ITPR1: variants seen among roughly 807,000 people sequenced by gnomAD.
ITPR1 encodes the protein inositol 1,4,5-trisphosphate-gated calcium channel ITPR1.
Under a neutral mutation model 318.4 loss-of-function variants are expected in ITPR1, and 96 were observed. The observed-to-expected ratio is 0.30, with a 90% confidence interval of 0.26 to 0.36. The LOEUF (loss-of-function observed/expected upper bound fraction) is 0.36, where lower values mean the gene tolerates loss of function less well. Ranked by LOEUF, ITPR1 falls within the 10% of genes least tolerant of loss-of-function variation. ITPR1 has a pLI of 1.00. For missense variants in ITPR1, 2,440 were observed against 3,460.2 expected, an observed-to-expected ratio of 0.71 and a Z score of 7.40; for synonymous variants, 1,312 against 1,289.9, an observed-to-expected ratio of 1.02 and a Z score of -0.37.
At chr3:4,662,922 T>C (rs566868942) in intron 15 of ITPR1, 143 bp from the exon 16 acceptor site, 3 of 620,582 alleles carry the variant, frequency 4.8e-6, no homozygotes, top group Non-Finnish European at 8.6e-6. Flanking sequence ...ATACTTGGCT[T>C]CTGTTGTCAG....
intron 54 of ITPR1, among the ~76,000 whole-genome samples, chr3:4,802,954 G>T (rs141008519): frequency 6.6e-6 from 1 of 152,130 alleles, no homozygotes; most frequent in Non-Finnish European, 1.5e-5. Context: ...CTATTAGTTC[G>T]TTCTCACATT....
chr3:4,552,417 C>T (rs1016527109), intron 4 of ITPR1, among the ~76,000 whole-genome samples: 2 of 152,144 alleles, frequency 1.3e-5, no homozygotes, highest in African/African-American at 4.8e-5. Flanking sequence ...GCTAGAGTGG[C>T]TCACACAACT....
At chr3:4,737,777 C>T (rs1350235058) in intron 44 of ITPR1, among the ~76,000 whole-genome samples, 1 of 152,144 alleles carries the variant, frequency 6.6e-6, no homozygotes, top group Non-Finnish European at 1.5e-5. Flanking sequence ...GAGTTCATAT[C>T]TTGGGAGAGG....
chr3:4,500,132 A>G (rs1002528796), intron 2 of ITPR1, among the ~76,000 whole-genome samples: 1 of 152,114 alleles, frequency 6.6e-6, no homozygotes, highest in Non-Finnish European at 1.5e-5. Flanking sequence ...CATCTTCTCT[A>G]TTTCTTATCC....
intron 5 of ITPR1, 37 bp downstream of exon 5, chr3:4,627,915 T>C: frequency 1.6e-6 from 2 of 1,279,138 alleles, no homozygotes; most frequent in Non-Finnish European, 1.1e-6. Context: ...GGGGCAGTAG[T>C]GAGTGGCTGC....
chr3:4,659,529 T>C (rs1460355927), intron 13 of ITPR1, among the ~76,000 whole-genome samples: 2 of 151,730 alleles, frequency 1.3e-5, no homozygotes, highest in Non-Finnish European at 2.9e-5. Context: ...ACAAAAAAAA[T>C]GCAAAAATTT....
chr3:4,500,536 A>C (rs1361796441), intron 2 of ITPR1, among the ~76,000 whole-genome samples: 1 of 152,192 alleles, frequency 6.6e-6, no homozygotes, highest in Non-Finnish European at 1.5e-5. Flanking sequence ...CCTAGGGCCA[A>C]GTAGGTACTC....
intron 19 of ITPR1, 59 bp downstream of exon 19, chr3:4,669,832 A>G (rs945304841): frequency 1.8e-5 from 27 of 1,484,428 alleles, no homozygotes; most frequent in Non-Finnish European, 2.2e-5. Context: ...GTTGGTGCTC[A>G]TGAGGAATAA....
chr3:4,656,096 G>A (rs1432999034), intron 12 of ITPR1, among the ~76,000 whole-genome samples: 1 of 152,202 alleles, frequency 6.6e-6, no homozygotes, highest in East Asian at 1.9e-4. Flanking sequence ...GTGCCAGAGG[G>A]AGAAAAAGGA....
At chr3:4,801,313 C>T (rs926723102) in intron 54 of ITPR1, among the ~76,000 whole-genome samples, 35 of 152,248 alleles carry the variant, frequency 2.3e-4, no homozygotes, top group African/African-American at 8.2e-4. Flanking sequence ...CCATGCAAAA[C>T]TGGAAGTGAT....
intron 46 of ITPR1, among the ~76,000 whole-genome samples, chr3:4,770,054 G>T (rs771402197): frequency 1.3e-5 from 2 of 152,126 alleles, no homozygotes; most frequent in Non-Finnish European, 2.9e-5. Context: ...TCTCCTTTGT[G>T]GTGGAATGTT....
intron 45 of ITPR1, 33 bp from the exon 46 acceptor site, chr3:4,768,478 T>C (rs751323745): frequency 1.3e-6 from 2 of 1,576,420 alleles, no homozygotes; most frequent in African/African-American, 2.7e-5. Context: ...ATGAGGACTC[T>C]GCAGCCTTTC....
intron 55 of ITPR1, among the ~76,000 whole-genome samples, chr3:4,806,761 A>G (rs1159390766): frequency 6.6e-6 from 1 of 152,116 alleles, no homozygotes; most frequent in Non-Finnish European, 1.5e-5. Context: ...AGACCCTTTC[A>G]GTAGCTCATT....
intron 54 of ITPR1, 60 bp from the exon 55 acceptor site, chr3:4,806,043 G>C: frequency 7.2e-7 from 1 of 1,387,512 alleles, no homozygotes; most frequent in Non-Finnish European, 9.9e-7. Flanking sequence ...TGCTCTCGTT[G>C]CTCTCATGAA....
intron 46 of ITPR1, among the ~76,000 whole-genome samples, chr3:4,773,104 C>T (rs570814388): frequency 3.3e-5 from 5 of 152,364 alleles, no homozygotes; most frequent in South Asian, 2.1e-4. Flanking sequence ...TCCCTCTGTA[C>T]GCACATCACA....
intron 13 of ITPR1, among the ~76,000 whole-genome samples, chr3:4,659,274 T>G (rs1191634982): frequency 6.6e-6 from 1 of 152,344 alleles, no homozygotes; most frequent in Middle Eastern, 3.4e-3. Flanking sequence ...CAGAGATGAC[T>G]GTGTCATTTA....
At chr3:4,793,222 T>A (rs1350860653) in intron 52 of ITPR1, among the ~76,000 whole-genome samples, 2 of 152,354 alleles carry the variant, frequency 1.3e-5, no homozygotes, top group Non-Finnish European at 2.9e-5. Flanking sequence ...ATGAACTATA[T>A]GCCATAGTTG....
At chr3:4,581,823 T>C (rs1057072299) in intron 4 of ITPR1, among the ~76,000 whole-genome samples, 2 of 152,238 alleles carry the variant, frequency 1.3e-5, no homozygotes, top group African/African-American at 4.8e-5. Context: ...CCCTGTGGAC[T>C]CAAAATGTCA....
chr3:4,520,482 C>T (rs1465427501), intron 3 of ITPR1, among the ~76,000 whole-genome samples: 1 of 152,212 alleles, frequency 6.6e-6, no homozygotes, highest in African/African-American at 2.4e-5. Context: ...TTCGAATCTT[C>T]CAGTAGTTCC....
Sources: gnomAD v4.1 joint callset for allele counts (sites outside exome capture counted in the v4.1 genomes callset) on GRCh38, gnomAD v4.1.1 for gene constraint, MANE v1.5 for transcripts, NCBI Gene and HGNC (gene_info 2026-07-23, HGNC 2026-07-21) for gene names.